CASK: variants seen among roughly 807,000 people sequenced by gnomAD.
CASK encodes the protein peripheral plasma membrane protein CASK.
Under a neutral mutation model 82.9 loss-of-function variants are expected in CASK, and 4 were observed. That is an observed-to-expected ratio of 0.05 (90% CI 0.02 to 0.11). CASK has a LOEUF of 0.11. Ranked by LOEUF, CASK falls within the 10% of genes least tolerant of loss-of-function variation. CASK has a pLI of 1.00. For synonymous variants in CASK, 259 were observed against 253.5 expected (o/e 1.02, Z -0.20); for missense variants, 358 against 720.9 (o/e 0.50, Z 5.76).
chrX:41,581,309 G>A (rs1259316897), intron 14 of CASK, among the ~76,000 whole-genome samples: 1 of 110,359 alleles, frequency 9.1e-6, no homozygotes. Context: ...TTGCCCAGGA[G>A]TTGAAGGCTA....
chrX:41,884,945 C>CTAT (rs763052954), intron 1 of CASK, among the ~76,000 whole-genome samples: 1 of 112,239 alleles, frequency 8.9e-6, no homozygotes, highest in African/African-American at 3.2e-5. Context: ...ACTTAAGCCA[C>CTAT]TATTATTTGG....
At chrX:41,588,935 T>A (rs2065703078) in intron 13 of CASK, among the ~76,000 whole-genome samples, 1 of 111,875 alleles carries the variant, frequency 8.9e-6, no homozygotes, top group South Asian at 3.7e-4. Context: ...AAAAAATTTA[T>A]ATGCAAATGG....
chrX:41,763,572 G>T (rs772686743), intron 3 of CASK, among the ~76,000 whole-genome samples: 2 of 111,148 alleles, frequency 1.8e-5, no homozygotes, highest in Admixed American at 9.6e-5. Context: ...TGAGGTGTGA[G>T]GACAGCTTGG....
rs1243353784 is a variant in CASK at position 41,561,640 on chromosome X, T to C, written c.1587A>G (p.Thr529=). Residue 529 remains threonine (T), a synonymous_variant, in exon 17 of 27, where the codon ACA becomes ACG. Coordinates refer to ENST00000378163, the MANE Select transcript of CASK (RefSeq NM_001367721.1). The part of the protein sequence containing the change: ...MHGGMIHRQG[T]LHVGDEIREI... ...CTCGAATTTCATCACCAACATGAAG[T>C]GTACCTAAGAAATTATATAACATTA... The C allele has an allele frequency of 1.7e-6, 2 of 1,163,679 alleles. No homozygotes were observed. Among genetic ancestry groups the C allele is most frequent in the Admixed American group, 4.4e-5 (2 of 45,955 alleles).
intron 21 of CASK, chrX:41,552,806 G>C (rs2065117188): frequency 8.9e-6 from 1 of 111,818 alleles, no homozygotes; most frequent in East Asian, 2.8e-4. Context: ...TCAAGCAAAA[G>C]AGATTAACTG....
Position 41,557,053 on chromosome X carries a change from G to A in CASK, c.1785C>T (p.Ser595=). ...TTACCGAAACAGAATTGTTAGTGCTGCTATGACCATTAGCTGGGGACTGTC... is the reference window on the plus strand; with the variant it reads ...TTACCGAAACAGAATTGTTAGTGCTACTATGACCATTAGCTGGGGACTGTC... ...TSRQSPANGH[S]STNNSVSDLP... is the part of the protein sequence containing the mutation. The change falls in exon 19 of 27, where the codon AGC becomes AGT. Residue 595 remains serine, a synonymous_variant. Transcript: ENST00000378163. The A allele has an allele frequency of 8.3e-7, 1 of 1,209,326 alleles. No individual in the cohort carries two copies. The highest frequency in any genetic ancestry group is 1.1e-6 in the Non-Finnish European group (1 of 893,264).
intron 5 of CASK, chrX:41,675,639 A>G: frequency 1.6e-6 from 1 of 610,644 alleles, no homozygotes; most frequent in Non-Finnish European, 2.6e-6. Flanking sequence ...AGAAATTCAA[A>G]TAGAAGTAAC....
chrX:41,895,495 C>T (rs1007738858), intron 1 of CASK, among the ~76,000 whole-genome samples: 1 of 111,117 alleles, frequency 9.0e-6, no homozygotes, highest in African/African-American at 3.3e-5. Context: ...AAACAGAAGT[C>T]CAAGAAAAAG....
chrX:41,774,259 C>T (rs2069305858), intron 3 of CASK, among the ~76,000 whole-genome samples: 1 of 110,983 alleles, frequency 9.0e-6, no homozygotes, highest in African/African-American at 3.3e-5. Context: ...GATACAAAAT[C>T]AATGTACAAA....
chrX:41,780,791 GGTGT>G (rs1569446471), intron 3 of CASK, among the ~76,000 whole-genome samples: 2 of 110,969 alleles, frequency 1.8e-5, no homozygotes, highest in Non-Finnish European at 3.8e-5. Context: ...TGGGATTACA[GGTGT>G]GTGCCACCAC....
At chrX:41,596,384 C>T (rs2065822610) in intron 12 of CASK, among the ~76,000 whole-genome samples, 2 of 112,022 alleles carry the variant, frequency 1.8e-5, no homozygotes, top group Middle Eastern at 9.2e-3. Flanking sequence ...TTTACAAAAA[C>T]AGGTGGCCAG....
chrX:41,893,507 C>T (rs2072215150), intron 1 of CASK, among the ~76,000 whole-genome samples: 1 of 111,771 alleles, frequency 8.9e-6, no homozygotes. Context: ...ATTTGGAGGG[C>T]TCTGTGCATG....
At chrX:41,705,047 T>C (rs1434738915) in intron 5 of CASK, among the ~76,000 whole-genome samples, 4 of 112,002 alleles carry the variant, frequency 3.6e-5, no homozygotes, top group Non-Finnish European at 1.9e-5. Flanking sequence ...ACATCAGAAC[T>C]AGGAAGATAC....
chrX:41,621,701 ATATAC>A (rs1436084501), intron 11 of CASK, among the ~76,000 whole-genome samples: 1 of 112,295 alleles, frequency 8.9e-6, no homozygotes, highest in Non-Finnish European at 1.9e-5. Flanking sequence ...TAGGTAACTA[ATATAC>A]TATAAGATTT....
intron 5 of CASK, among the ~76,000 whole-genome samples, chrX:41,736,486 C>T (rs1041553937): frequency 4.5e-5 from 5 of 111,358 alleles, no homozygotes; most frequent in Admixed American, 9.5e-5. Flanking sequence ...GGTGACAGGG[C>T]GAGACCCTGT....
chrX:41,644,594 T>G (rs1279502008), intron 8 of CASK, among the ~76,000 whole-genome samples: 1 of 112,253 alleles, frequency 8.9e-6, no homozygotes, highest in African/African-American at 3.2e-5. Flanking sequence ...ATAACAGCAA[T>G]TGTTCAAGGA....
intron 24 of CASK, 40 bp downstream of exon 24, chrX:41,534,666 T>TC: frequency 2.9e-6 from 3 of 1,017,875 alleles, no homozygotes; most frequent in Non-Finnish European, 4.2e-6. Flanking sequence ...AAAAAAGTGA[T>TC]AGGAAAAATA....
At chrX:41,628,406 T>A (rs1195726809) in intron 9 of CASK, among the ~76,000 whole-genome samples, 1 of 111,599 alleles carries the variant, frequency 9.0e-6, no homozygotes, top group Admixed American at 9.5e-5. Context: ...CAGGCTCAAG[T>A]GATCCTCCCA....
chrX:41,645,270 A>T (rs906735751), intron 8 of CASK, among the ~76,000 whole-genome samples: 23 of 111,686 alleles, frequency 2.1e-4, no homozygotes, highest in Middle Eastern at 4.6e-3. Flanking sequence ...TTTACTTTAA[A>T]TTTTTTAAAT....
Sources: gnomAD v4.1 joint callset for allele counts (sites outside exome capture counted in the v4.1 genomes callset) on GRCh38, gnomAD v4.1.1 for gene constraint, MANE v1.5 for transcripts, NCBI Gene and HGNC (gene_info 2026-07-23, HGNC 2026-07-21) for gene names.